TSC22D2: variants seen among roughly 807,000 people sequenced by gnomAD.
TSC22D2 encodes TSC22 domain family member 2.
In TSC22D2, 5 loss-of-function variants were observed where a neutral mutation model predicts 50.1. The observed-to-expected ratio is 0.10, with a 90% CI of 0.05 to 0.21. TSC22D2 has a LOEUF of 0.21. TSC22D2 is among the 10% of genes least tolerant of loss of function. The pLI is 1.00. For synonymous variants in TSC22D2, 501 were observed against 450.1 expected (o/e 1.11, Z -1.43); for missense variants, 1,003 against 1,015.5 (o/e 0.99, Z 0.17).
chr3:150,427,907 T>G (rs1720244412), intron 1 of TSC22D2, among the ~76,000 whole-genome samples: 1 of 152,104 alleles, frequency 6.6e-6, no homozygotes, highest in South Asian at 2.1e-4. Context: ...TTGTATGTCC[T>G]TTACCTAGCC....
At position 150,462,224 on chromosome 3, in the gene TSC22D2, G is replaced by GAA. The variant is rs1056844389; in HGVS notation, c.*3589_*3590dup. On this transcript the variant is annotated 3_prime_UTR_variant, in exon 3 of 3. Transcript: ENST00000688009. ...AGGGTGTTCCAAGCACAAGAAAAGA[G>GAA]AACTCAATGGCTTAAAAGTATAAAC... The GAA allele has an allele frequency of 2.6e-5, 4 of 152,136 alleles. No individual in the cohort carries two copies. Among genetic ancestry groups the GAA allele is most frequent in the African/African-American group, 9.7e-5 (4 of 41,410 alleles). The allele number at this position is 152,136 out of a possible 1,614,324, so 9.4% of individuals were successfully genotyped here. A position where few individuals can be genotyped will look rare whatever the true frequency, so the allele number is the denominator to read the frequency against.
rs1298250504 is a variant in TSC22D2 at position 150,410,124 on chromosome 3, G to A, written c.774G>A (p.Met258Ile). 6.2e-7 allele frequency: 1 copy of A among 1,612,578 alleles called. No homozygotes were observed. Among genetic ancestry groups the A allele is most frequent in the African/African-American group, 1.3e-5 (1 of 75,048 alleles). ...CACAGCTACCCCCGTCGGAGAAAAT[G>A]AGCCAGCCCACTCCGGCCCAGCCGC... ...AVSQLPPSEK[M>I]SQPTPAQPQS... Residue 258 changes from methionine (M) to isoleucine (I), a missense_variant, in exon 1 of 3, where the codon ATG (methionine) becomes ATA (isoleucine). Physicochemically the swap from Met to Ile is conservative, Grantham distance 10. This residue lies in a region of TSC22D2 where 696 missense variants were observed against 647.8 expected (regional missense o/e 1.07). Coordinates refer to ENST00000688009, the MANE Select transcript of TSC22D2 (RefSeq NM_001303264.2).
In TSC22D2 at chr3:150,428,736, C is replaced by T. The variant is rs545933313; in HGVS notation, c.1958+17428C>T. On this transcript the variant is annotated intron_variant, in intron 1 of 2. Transcript: ENST00000688009. ...GTGACTAATCTGTTGTACTCCATTT[C>T]TACAGAACAGTTGTTCTAAATACAA... 2.0e-5 allele frequency among the ~76,000 whole-genome samples: 3 copies of T among 152,132 alleles called. No individual in the cohort carries two copies. The South Asian group carries it at 6.2e-4, about 32-fold the overall frequency.
At chr3:150,450,839 A>G (rs968462949) in intron 1 of TSC22D2, among the ~76,000 whole-genome samples, 4 of 152,174 alleles carry the variant, frequency 2.6e-5, no homozygotes, top group Non-Finnish European at 5.9e-5. Flanking sequence ...AAAATAAAAC[A>G]TGCATTTGTT....
chr3:150,415,196 C>T (rs78064117), intron 1 of TSC22D2, among the ~76,000 whole-genome samples: 5,558 of 152,058 alleles, frequency 0.037, 338 homozygotes, highest in African/African-American at 0.13. Flanking sequence ...CCAAACTACC[C>T]GAAATTCCTA....
At chr3:150,411,574 G>A (rs1398539717) in intron 1 of TSC22D2, among the ~76,000 whole-genome samples, 1 of 152,204 alleles carries the variant, frequency 6.6e-6, no homozygotes, top group African/African-American at 2.4e-5. Flanking sequence ...TAAGCTTAAT[G>A]CTTACCATTT....
In TSC22D2 at chr3:150,462,164, C is replaced by CAGGT. The variant is rs1300568319; in HGVS notation, c.*3529_*3530insGGTA. ...AGGGTAGGTTTCCTCAAAAACATGACACCTGAGTCTTGAAGGTCATAAGAG... is the reference window on the plus strand; with the variant it reads ...AGGGTAGGTTTCCTCAAAAACATGACAGGTACCTGAGTCTTGAAGGTCATAAGAG... On this transcript the variant is annotated 3_prime_UTR_variant, in exon 3 of 3. Transcript: ENST00000688009. 1.3e-5 allele frequency: 2 copies of CAGGT among 152,258 alleles called. No homozygotes were observed. Among genetic ancestry groups the CAGGT allele is most frequent in the Admixed American group, 6.5e-5 (1 of 15,290 alleles). 9.4% of individuals were successfully genotyped at this position (152,258 alleles called of 1,614,324 possible).
chr3:150,458,294 C>G (rs1721258739), intron 2 of TSC22D2, 82 bp from the exon 3 acceptor site: 5 of 1,422,512 alleles, frequency 3.5e-6, no homozygotes, highest in Non-Finnish European at 4.8e-6. Flanking sequence ...AGTATAAAAA[C>G]TTAGCACCAA....
In TSC22D2 at chr3:150,410,108, C is replaced by T. The variant is rs776846256; in HGVS notation, c.758C>T (p.Pro253Leu). The change falls in exon 1 of 3, where the codon CCC (proline) becomes CTC (leucine). Residue 253 changes from proline (P) to leucine (L), a missense_variant. Transcript: ENST00000688009. Reference protein sequence around the residue: ...DSSLTAVSQLPPSEKMSQPTP... With the variant: ...DSSLTAVSQLLPSEKMSQPTP... ...TCCTTGACTGCTGTGTCACAGCTAC[C>T]CCCGTCGGAGAAAATGAGCCAGCCC... 127 of 1,612,584 alleles carry T rather than the reference C, an allele frequency of 7.9e-5. No individual in the cohort carries two copies. The highest frequency in any genetic ancestry group is 1.5e-4 in the Admixed American group (9 of 60,012).
At chr3:150,442,901 C>G (rs1031503570) in intron 1 of TSC22D2, among the ~76,000 whole-genome samples, 1 of 152,118 alleles carries the variant, frequency 6.6e-6, no homozygotes, top group Non-Finnish European at 1.5e-5. Context: ...TATGATGGCG[C>G]CATTGCATTC....
intron 1 of TSC22D2, among the ~76,000 whole-genome samples, chr3:150,428,709 T>C (rs1189314380): frequency 6.6e-6 from 1 of 152,134 alleles, no homozygotes; most frequent in East Asian, 1.9e-4. Context: ...GTTGAAATGA[T>C]GGTGACTAAT....
chr3:150,418,688 G>T (rs1385054247), intron 1 of TSC22D2, among the ~76,000 whole-genome samples: 1 of 151,838 alleles, frequency 6.6e-6, no homozygotes, highest in Non-Finnish European at 1.5e-5. Flanking sequence ...TTGGAAAATG[G>T]TATTGTTAAT....
At chr3:150,443,144 C>T (rs983877769) in intron 1 of TSC22D2, among the ~76,000 whole-genome samples, 9 of 152,192 alleles carry the variant, frequency 5.9e-5, no homozygotes, top group African/African-American at 1.7e-4. Flanking sequence ...TGTCATCCAG[C>T]CTCTGAATAC....
intron 1 of TSC22D2, among the ~76,000 whole-genome samples, chr3:150,437,381 T>C (rs1332000249): frequency 6.6e-6 from 1 of 152,150 alleles, no homozygotes; most frequent in Non-Finnish European, 1.5e-5. Context: ...TTCTTGCCAT[T>C]ATGTTGTCTA....
In TSC22D2 at chr3:150,409,229, C is replaced by A; in HGVS notation, c.-122C>A. The A allele has an allele frequency of 8.8e-7, 1 of 1,139,782 alleles. No individual in the cohort carries two copies. Among genetic ancestry groups the A allele is most frequent in the Non-Finnish European group, 1.2e-6 (1 of 828,736 alleles). The allele number at this position is 1,139,782 out of a possible 1,614,324, so 70.6% of individuals were successfully genotyped here. A position where few individuals can be genotyped will look rare whatever the true frequency, so the allele number is the denominator to read the frequency against. On this transcript the variant is annotated 5_prime_UTR_variant, in exon 1 of 3. Coordinates refer to ENST00000688009, the MANE Select transcript of TSC22D2 (RefSeq NM_001303264.2). The surrounding 1 kb of genome is among the most constrained non-coding windows in gnomAD (Gnocchi z 7.4). Reference sequence around the variant, plus strand: ...ATCAGCCCGTGACTCTTAACAGCGGCGGGCCTCAGACCCCAGCGCAGACTC... The same window carrying A: ...ATCAGCCCGTGACTCTTAACAGCGGAGGGCCTCAGACCCCAGCGCAGACTC...
At position 150,453,256 on chromosome 3, in the gene TSC22D2, A is replaced by G. The variant is rs187692899; in HGVS notation, c.1959-3820A>G. Among the ~76,000 whole-genome samples the G allele has an allele frequency of 2.0e-4, 30 of 152,334 alleles. No homozygotes were observed. The East Asian group carries it at 4.0e-3, about 21-fold the overall frequency. On this transcript the variant is annotated intron_variant, in intron 1 of 2. Coordinates refer to ENST00000688009, the MANE Select transcript of TSC22D2 (RefSeq NM_001303264.2). ...AATAATTAAAAAGAAAACAAGGTAT[A>G]TAGTATTATAACATTAGGTGAAGGA...
chr3:150,439,519 T>C (rs1014645508), intron 1 of TSC22D2, among the ~76,000 whole-genome samples: 4 of 152,204 alleles, frequency 2.6e-5, no homozygotes, highest in African/African-American at 9.6e-5. Context: ...TACATAACTT[T>C]GATAATCAGG....
At position 150,410,931 on chromosome 3, in the gene TSC22D2, T is replaced by C; in HGVS notation, c.1581T>C (p.Thr527=). ...CTAGTGTGTCTACCACTTCTGTTAC[T>C]ATGCCAAATGTACCCGCGCCTCTGG... is the stretch of plus-strand genomic sequence containing the variant. ...SVPSVSTTSV[T]MPNVPAPLAQ... is the part of the protein sequence containing the mutation. Residue 527 remains threonine (T), a synonymous_variant, in exon 1 of 3, where the codon ACT becomes ACC. Transcript: ENST00000688009. 1 of 1,614,150 alleles carries C rather than the reference T, an allele frequency of 6.2e-7. No individual in the cohort carries two copies. The highest frequency in any genetic ancestry group is 8.5e-7 in the Non-Finnish European group (1 of 1,180,046).
In TSC22D2 at chr3:150,411,257, T is replaced by C. The variant is rs1719556735; in HGVS notation, c.1907T>C (p.Leu636Pro). The stretch of plus-strand genomic sequence containing the variant: ...CTTCAGTTAACACCTATGAACAGTC[T>C]GGCCACCTCTGTATTCAGCATAGCT... ...NPLQLTPMNS[L>P]ATSVFSIAIP... The change falls in exon 1 of 3, where the codon CTG becomes CCG. Residue 636 changes from leucine to proline, a missense_variant. By Grantham distance (98) the Leu-to-Pro change is moderately conservative. Around this residue, in one of 6 missense-constraint regions of TSC22D2, gnomAD observed 696 missense variants for 647.8 expected, o/e 1.07. Transcript: ENST00000688009. The C allele has an allele frequency of 1.9e-6, 3 of 1,614,108 alleles. No individual in the cohort carries two copies. Among genetic ancestry groups the C allele is most frequent in the Non-Finnish European group, 2.5e-6 (3 of 1,180,030 alleles).
Sources: gnomAD v4.1 joint callset for allele counts (sites outside exome capture counted in the v4.1 genomes callset) on GRCh38, gnomAD v4.1.1 for gene constraint, gnomAD v4.1.1 regional missense constraint, Gnocchi (gnomAD v3.1) non-coding constraint, MANE v1.5 for transcripts, NCBI Gene and HGNC (gene_info 2026-07-23, HGNC 2026-07-21) for gene names.